The following ZNF91 variants were observed in gnomAD, a reference collection of about 807,000 sequenced individuals.
ZNF91 encodes zinc finger protein 91.
ZNF91 carries 7 observed loss-of-function variants against 12.6 expected under a neutral mutation model. The observed-to-expected ratio is 0.55, with a 90% CI of 0.31 to 1.04. The LOEUF is 1.04. ZNF91 is among the 50% of genes least tolerant of loss of function. ZNF91 has a pLI of 0.05. For synonymous variants in ZNF91, 453 were observed against 462.6 expected, an observed-to-expected ratio of 0.98 and a Z score of 0.27; for missense variants, 1,217 against 1,385.4, an observed-to-expected ratio of 0.88 and a Z score of 1.93.
intron 3 of ZNF91, among the ~76,000 whole-genome samples, chr19:23,373,345 CTTATATATATATATATATATATATAT>C (rs1969358519): frequency 1.2e-5 from 1 of 84,002 alleles, no homozygotes; most frequent in South Asian, 4.3e-4. Context: ...ATCATGTAAT[CTTATATATATATATATATATATATAT>C]ATATATATAT....
At chr19:23,332,807 C>T (rs1463987033) in intron 1 of ZNF91, among the ~76,000 whole-genome samples, 1 of 152,152 alleles carries the variant, frequency 6.6e-6, no homozygotes, top group Non-Finnish European at 1.5e-5. Flanking sequence ...CGTGTTACTA[C>T]ATGAACTGAC....
At chr19:23,314,110 A>G (rs1483450823), upstream of ZNF91, among the ~76,000 whole-genome samples, 1 of 152,046 alleles carries the variant, frequency 6.6e-6, no homozygotes, top group Non-Finnish European at 1.5e-5. Flanking sequence ...CCTAGGGTGT[A>G]TGTTTTTTAT....
At chr19:23,368,733 G>A (rs932085309) in intron 3 of ZNF91, among the ~76,000 whole-genome samples, 1 of 151,424 alleles carries the variant, frequency 6.6e-6, no homozygotes, top group Non-Finnish European at 1.5e-5. Context: ...CTATAAAATG[G>A]ATGAAAATAT....
chr19:23,327,836 G>T (rs936018266), intron 1 of ZNF91: 1 of 152,046 alleles, frequency 6.6e-6, no homozygotes, highest in Non-Finnish European at 1.5e-5. Context: ...AATATTCTAC[G>T]TCAAAGTTTT....
At chr19:23,347,897 C>T (rs1568376066) in intron 3 of ZNF91, among the ~76,000 whole-genome samples, 2 of 152,142 alleles carry the variant, frequency 1.3e-5, no homozygotes, top group African/African-American at 4.8e-5. Flanking sequence ...AGTCTTTGTC[C>T]GTACTTTCTC....
chr19:23,356,187 G>T (rs553496059), downstream of ZNF91, among the ~76,000 whole-genome samples: 203 of 152,260 alleles, frequency 1.3e-3, 1 homozygote, highest in Middle Eastern at 3.4e-3. Flanking sequence ...CAGAGAAAAA[G>T]AAATGATTAT....
chr19:23,395,246 G>C (rs1568408831), intron 1 of ZNF91, 79 bp downstream of exon 1: 1 of 1,561,416 alleles, frequency 6.4e-7, no homozygotes, highest in Non-Finnish European at 8.7e-7. Flanking sequence ...AGGAAGGCCT[G>C]AGGCTCGCCA....
chr19:23,373,378 AT>A (rs1308554050), intron 3 of ZNF91, among the ~76,000 whole-genome samples: 16 of 83,570 alleles, frequency 1.9e-4, no homozygotes, highest in Admixed American at 6.2e-4. Flanking sequence ...ATATATATAT[AT>A]ATATATAAAT....
chr19:23,361,647 G>T lies in ZNF91; in HGVS notation c.1332C>A (p.Asn444Lys). Residue 444 changes from asparagine to lysine, a missense_variant, in exon 4 of 4, where the codon AAC becomes AAA. Physicochemically the swap from Asn to Lys is moderately conservative, Grantham distance 94. Transcript: ENST00000300619. ...YKCEECGKAF[N>K]WSSSLTKHKR... ...TATGTTTAGTAAGGCTTGAGGACCAGTTAAATGCTTTGCCACATTCTTCAC... is the reference window on the plus strand; with the variant it reads ...TATGTTTAGTAAGGCTTGAGGACCATTTAAATGCTTTGCCACATTCTTCAC... The T allele has an allele frequency of 6.2e-7, 1 of 1,609,104 alleles. No homozygotes were observed. Among genetic ancestry groups the T allele is most frequent in the Non-Finnish European group, 8.5e-7 (1 of 1,178,488 alleles).
chr19:23,374,682 T>A lies in ZNF91; in HGVS notation c.113A>T (p.Tyr38Phe), dbSNP rs368429601. ...GTAGTTCTCTAACATCACATTCCTA[T>A]ATAAATTCTGCTGTGCAGTGTCCAG... ...QCLDTAQQNL[Y>F]RNVMLENYRN... Residue 38 changes from tyrosine (Y) to phenylalanine (F), a missense_variant, in exon 2 of 4, where the codon TAT (tyrosine) becomes TTT (phenylalanine). This residue lies in a region of ZNF91 where 726 missense variants were observed against 895.5 expected (regional missense o/e 0.81). Transcript: ENST00000300619. 6 of 1,612,194 alleles carry A rather than the reference T, an allele frequency of 3.7e-6. No homozygotes were observed. The highest frequency in any genetic ancestry group is 5.1e-6 in the Non-Finnish European group (6 of 1,179,046).
chr19:23,357,507 AAT>A (rs1034257599), downstream of ZNF91, among the ~76,000 whole-genome samples: 4 of 152,346 alleles, frequency 2.6e-5, no homozygotes, highest in East Asian at 3.9e-4. Flanking sequence ...TTCTGCTAAA[AAT>A]AGTTTCGAAC....
At position 23,323,679 on chromosome 19, in the gene ZNF91, CCTCTACTTCTCCTT is replaced by C. The variant is rs757885452; in HGVS notation, n.117-14596_117-14583del. ...TCCTCCTTTCCTCTTCTCTCCTCCT[CCTCTACTTCTCCTT>C]CTTTATCCTCTCCTCCTTCTTTTCT... On this transcript the variant is annotated intron_variant and non_coding_transcript_variant, in intron 1 of 1. Transcript: ENST00000596528. 3.0e-3 allele frequency among the ~76,000 whole-genome samples: 393 copies of C among 129,306 alleles called. 2 individuals carry two copies. Among genetic ancestry groups the C allele is most frequent in the Middle Eastern group, 8.9e-3 (2 of 224 alleles). The allele number at this position is 129,306 out of a possible 152,430, so 84.8% of individuals were successfully genotyped here.
chr19:23,370,936 CA>C (rs1969252481), intron 3 of ZNF91, among the ~76,000 whole-genome samples: 1 of 151,968 alleles, frequency 6.6e-6, no homozygotes, highest in Admixed American at 6.6e-5. Flanking sequence ...ACCTTCAAAT[CA>C]CAAAAACTTT....
chr19:23,323,711 T>C (rs551446067), intron 1 of ZNF91, among the ~76,000 whole-genome samples: 2 of 65,682 alleles, frequency 3.0e-5, no homozygotes, highest in African/African-American at 2.4e-4. Context: ...CTCTCCTCCT[T>C]CTTTTCTTCT....
At chr19:23,308,664 T>C (rs1342056211) in intron 2 of ZNF91, 4 of 152,340 alleles carry the variant, frequency 2.6e-5, no homozygotes, top group Non-Finnish European at 5.9e-5. Flanking sequence ...CAGCCTTCTC[T>C]TTAATGGACC....
intron 1 of ZNF91, among the ~76,000 whole-genome samples, chr19:23,332,535 G>A (rs546971776): frequency 4.6e-5 from 7 of 152,196 alleles, no homozygotes; most frequent in Admixed American, 2.6e-4. Flanking sequence ...ATAGAGACAC[G>A]ATTCGTTCAC....
chr19:23,309,298 C>G (rs1472629816), intron 1 of ZNF91, among the ~76,000 whole-genome samples: 1 of 152,082 alleles, frequency 6.6e-6, no homozygotes, highest in Non-Finnish European at 1.5e-5. Flanking sequence ...CACCCATCAC[C>G]TAATAGATGT....
At position 23,379,871 on chromosome 19, in the gene ZNF91, T is replaced by C. The variant is rs549787601; in HGVS notation, c.31-5107A>G. ...TCTTTTGTTTCCTACCATCTGCCAC[T>C]GTGGTACAGCCCACAGCACACGGCT... On this transcript the variant is annotated intron_variant, in intron 1 of 3. Coordinates refer to ENST00000300619, the MANE Select transcript of ZNF91 (RefSeq NM_003430.4). Among the ~76,000 whole-genome samples the C allele has an allele frequency of 1.7e-4, 26 of 152,424 alleles. No homozygotes were observed. The South Asian group carries it at 5.2e-3, about 30-fold the overall frequency.
chr19:23,368,173 G>A (rs901032422), intron 3 of ZNF91, among the ~76,000 whole-genome samples: 17 of 151,968 alleles, frequency 1.1e-4, no homozygotes, highest in African/African-American at 4.1e-4. Flanking sequence ...CTCCCAAAGC[G>A]CTGGGCGACG....
Sources: allele counts gnomAD v4.1 joint callset (sites outside exome capture counted in the v4.1 genomes callset), GRCh38; gene constraint gnomAD v4.1.1; regional missense constraint gnomAD v4.1.1; transcripts MANE v1.5; gene names NCBI Gene and HGNC (gene_info 2026-07-23, HGNC 2026-07-21).